Variants in GLP2R observed in about 807,000 individuals in gnomAD.
GLP2R encodes the protein glucagon-like peptide 2 receptor.
A neutral mutation model predicts 68.2 loss-of-function variants in GLP2R; 59 were observed. That is an observed-to-expected ratio of 0.87 (90% confidence interval 0.70 to 1.07). The LOEUF (loss-of-function observed/expected upper bound fraction) is 1.07, where lower values mean the gene tolerates loss of function less well. Among genes scored for constraint, GLP2R ranks in the 50% least tolerant of loss-of-function variants. GLP2R has a pLI of 0.00. For missense variants in GLP2R, 548 were observed against 677.4 expected (o/e 0.81, Z 2.12); for synonymous variants, 270 against 265.4 (o/e 1.02, Z -0.17).
In GLP2R at chr17:9,870,740, T is replaced by G. The variant is rs17810279; in HGVS notation, c.1057-7T>G. ...CTTACTTACCCAATTCTGCTCTTTT[T>G]TTCAAGGTCAATTTCTTCATCTTCC... On this transcript the variant is annotated splice_region_variant and splice_polypyrimidine_tract_variant and intron_variant, in intron 9 of 12. Transcript: ENST00000262441. 0.26 allele frequency: 374,693 copies of G among 1,418,952 alleles called. 55,940 individuals are homozygous for G. Among genetic ancestry groups the G allele is most frequent in the Non-Finnish European group, 0.31 (307,804 of 1,000,882 alleles). 87.9% of individuals were successfully genotyped at this position (1,418,952 alleles called of 1,614,324 possible).
intron 9 of GLP2R, among the ~76,000 whole-genome samples, chr17:9,865,144 C>CCCAT (rs1284327196): frequency 6.6e-6 from 1 of 152,126 alleles, no homozygotes; most frequent in Admixed American, 6.6e-5. Flanking sequence ...CACCCACCCA[C>CCCAT]CCAGGCACCC....
At position 9,842,586 on chromosome 17, in the gene GLP2R, A is replaced by G. The variant is rs114610622; in HGVS notation, c.474A>G (p.Glu158=). Residue 158 remains glutamate, a synonymous_variant, in exon 4 of 13, where the codon GAA becomes GAG. Coordinates refer to ENST00000262441, the MANE Select transcript of GLP2R (RefSeq NM_004246.3). ...CGGATATTTGGCAGGATGACTCCGA[A>G]TGCTCCGAGAACCACAGCTTCAAGC... is the stretch of plus-strand genomic sequence containing the variant. ...NATDIWQDDS[E]CSENHSFKQN... is the part of the protein sequence containing the mutation. The G allele has an allele frequency of 0.023, 37,925 of 1,613,914 alleles. 665 individuals are homozygous for G. The highest frequency in any genetic ancestry group is 0.061 in the East Asian group (2,733 of 44,846).
chr17:9,857,290 C>T lies in GLP2R; in HGVS notation c.612-133C>T, dbSNP rs2066942605. The T allele has an allele frequency of 5.5e-6, 4 of 729,176 alleles. No homozygotes were observed. The East Asian group carries it at 1.1e-4, about 20-fold the overall frequency. 45.2% of individuals were successfully genotyped at this position (729,176 alleles called of 1,614,324 possible). A position where few individuals can be genotyped will look rare whatever the true frequency, so the allele number is the denominator to read the frequency against. ...CACAGAGATTTACGGTCACATAATC[C>T]AGCAGTCCAGCTCTGCAGCCTATAC... On this transcript the variant is annotated intron_variant, in intron 5 of 12. Transcript: ENST00000262441.
At chr17:9,871,488 G>A (rs965416842) in intron 10 of GLP2R, among the ~76,000 whole-genome samples, 3 of 152,120 alleles carry the variant, frequency 2.0e-5, no homozygotes, top group Admixed American at 6.5e-5. Flanking sequence ...CTTGAGAAAT[G>A]AGACCACAAA....
chr17:9,860,235 C>G, intron 7 of GLP2R, 134 bp downstream of exon 7: 3 of 802,030 alleles, frequency 3.7e-6, no homozygotes, highest in Non-Finnish European at 5.8e-6. Flanking sequence ...AGACAGGGAG[C>G]TTTGAAGAGG....
At chr17:9,828,215 A>C (rs2066649842) in intron 1 of GLP2R, among the ~76,000 whole-genome samples, 1 of 152,162 alleles carries the variant, frequency 6.6e-6, no homozygotes, top group African/African-American at 2.4e-5. Flanking sequence ...TGGATTGTAA[A>C]TGTGAGCCCA....
intron 4 of GLP2R, among the ~76,000 whole-genome samples, chr17:9,851,488 G>T (rs2152036887): frequency 6.6e-6 from 1 of 152,292 alleles, no homozygotes; most frequent in Admixed American, 6.5e-5. Context: ...TAGGGGGTAG[G>T]TTTGTGCTGG....
intron 6 of GLP2R, among the ~76,000 whole-genome samples, chr17:9,859,194 T>C (rs551821914): frequency 3.2e-4 from 49 of 152,348 alleles, no homozygotes; most frequent in African/African-American, 1.1e-3. Flanking sequence ...TAATTTCTAA[T>C]TTGTTTCAAT....
At chr17:9,841,224 C>T (rs986171559) in intron 3 of GLP2R, among the ~76,000 whole-genome samples, 2 of 149,666 alleles carry the variant, frequency 1.3e-5, no homozygotes. Context: ...GACAGGGTTT[C>T]ACCATGTTGG....
chr17:9,889,413 C>T lies in GLP2R; in HGVS notation c.1370C>T (p.Ala457Val), dbSNP rs1177135394. ...LRKYWVRFLL[A>V]RHSGCRACVL... ...AAATACTGGGTCCGCTTCTTGCTAG[C>T]CCGCCACTCAGGCTGCAGAGCCTGT... Residue 457 changes from alanine to valine, a missense_variant, in exon 13 of 13, where the codon GCC (alanine) becomes GTC (valine). Transcript: ENST00000262441. 4 of 1,614,096 alleles carry T rather than the reference C, an allele frequency of 2.5e-6. No individual in the cohort carries two copies. The highest frequency in any genetic ancestry group is 1.1e-5 in the South Asian group (1 of 91,086).
At chr17:9,873,556 C>CTTTT (rs3073988) in intron 10 of GLP2R, among the ~76,000 whole-genome samples, 6,463 of 51,942 alleles carry the variant, frequency 0.12, 1,203 homozygotes, top group Admixed American at 0.2. Flanking sequence ...TATGCATGGA[C>CTTTT]TTTTTTTTTT....
At chr17:9,886,261 A>G (rs368808341) in intron 11 of GLP2R, among the ~76,000 whole-genome samples, 18 of 152,316 alleles carry the variant, frequency 1.2e-4, no homozygotes, top group African/African-American at 4.3e-4. Flanking sequence ...TCCTGCTATC[A>G]GTGGAGCTTT....
chr17:9,845,093 C>T (rs528454690), intron 4 of GLP2R, among the ~76,000 whole-genome samples: 2 of 150,616 alleles, frequency 1.3e-5, no homozygotes, highest in South Asian at 4.2e-4. Context: ...GAGTCTGTCT[C>T]TGTTCCCCAG....
chr17:9,841,585 C>T (rs529037967), intron 3 of GLP2R, among the ~76,000 whole-genome samples: 2 of 152,128 alleles, frequency 1.3e-5, no homozygotes, highest in South Asian at 2.1e-4. Context: ...ATTGGAAGGA[C>T]GGGTTTGCCA....
At chr17:9,838,711 C>T (rs72822148) in intron 3 of GLP2R, among the ~76,000 whole-genome samples, 37,894 of 152,232 alleles carry the variant, frequency 0.25, 6,029 homozygotes, top group Non-Finnish European at 0.36. Context: ...CTCTTCCACC[C>T]GCCATTCTGT....
At chr17:9,880,757 T>G (rs1018971800) in intron 11 of GLP2R, among the ~76,000 whole-genome samples, 14 of 152,176 alleles carry the variant, frequency 9.2e-5, no homozygotes, top group African/African-American at 2.9e-4. Flanking sequence ...TGGTAATAGT[T>G]GGTGTGACTC....
intron 10 of GLP2R, among the ~76,000 whole-genome samples, chr17:9,876,207 A>G (rs2067141386): frequency 6.6e-6 from 1 of 152,172 alleles, no homozygotes. Flanking sequence ...GCTAAACCCC[A>G]GTTCTTTCTG....
chr17:9,843,566 GT>G (rs1345922516), intron 4 of GLP2R, among the ~76,000 whole-genome samples: 2 of 152,158 alleles, frequency 1.3e-5, no homozygotes, highest in African/African-American at 4.8e-5. Flanking sequence ...CCCAGGAAAG[GT>G]TTTTTGGATG....
intron 6 of GLP2R, among the ~76,000 whole-genome samples, 196 bp downstream of exon 6, chr17:9,857,772 A>AG (rs11375352): frequency 0.43 from 66,106 of 152,008 alleles, 16,307 homozygotes; most frequent in African/African-American, 0.67. Flanking sequence ...AGAAACCAAA[A>AG]CAGAAGGGTT....
Sources: gnomAD v4.1 joint callset for allele counts (sites outside exome capture counted in the v4.1 genomes callset) on GRCh38, gnomAD v4.1.1 for gene constraint, MANE v1.5 for transcripts, NCBI Gene and HGNC (gene_info 2026-07-23, HGNC 2026-07-21) for gene names.